CCSER1: variants seen among roughly 807,000 people sequenced by gnomAD.
CCSER1 encodes the protein serine-rich coiled-coil domain-containing protein 1.
Under a neutral mutation model 82.0 loss-of-function variants are expected in CCSER1, and 41 were observed. The observed-to-expected ratio is 0.50, with a 90% CI of 0.39 to 0.65. The LOEUF (loss-of-function observed/expected upper bound fraction) is 0.65. Among genes scored for constraint, CCSER1 ranks in the 30% least tolerant of loss-of-function variants. CCSER1 has a pLI of 0.00. For synonymous variants in CCSER1, 414 were observed against 383.9 expected (o/e 1.08, Z -0.92); for missense variants, 1,119 against 1,064.2 (o/e 1.05, Z -0.72).
At chr4:91,458,717 T>A (rs1756336211) in intron 10 of CCSER1, among the ~76,000 whole-genome samples, 1 of 152,216 alleles carries the variant, frequency 6.6e-6, no homozygotes, top group Non-Finnish European at 1.5e-5. Flanking sequence ...ATTGTATAGA[T>A]CTTGCACTTA....
chr4:90,528,753 T>C (rs1174610103), intron 5 of CCSER1, among the ~76,000 whole-genome samples: 1 of 152,210 alleles, frequency 6.6e-6, no homozygotes, highest in African/African-American at 2.4e-5. Flanking sequence ...ATCTAAATGT[T>C]GTTAAATGCA....
intron 3 of CCSER1, among the ~76,000 whole-genome samples, chr4:90,316,427 A>G (rs1736174822): frequency 6.6e-6 from 1 of 152,226 alleles, no homozygotes; most frequent in Non-Finnish European, 1.5e-5. Context: ...AGGCTGCAGC[A>G]TTCTGTAAGA....
intron 8 of CCSER1, among the ~76,000 whole-genome samples, chr4:90,889,131 A>G (rs528559856): frequency 1.3e-5 from 2 of 152,346 alleles, no homozygotes; most frequent in East Asian, 3.9e-4. Flanking sequence ...AACTGCGTGA[A>G]AGAATCAGTA....
intron 9 of CCSER1, among the ~76,000 whole-genome samples, chr4:90,999,496 CT>C (rs759345662): frequency 6.6e-6 from 1 of 152,046 alleles, no homozygotes; most frequent in African/African-American, 2.4e-5. Context: ...GATGAACATT[CT>C]TTTATACATT....
intron 3 of CCSER1, among the ~76,000 whole-genome samples, chr4:90,342,537 C>G (rs2153505312): frequency 6.6e-6 from 1 of 152,276 alleles, no homozygotes; most frequent in Non-Finnish European, 1.5e-5. Context: ...ATATACATTT[C>G]TATACTTTTG....
intron 3 of CCSER1, among the ~76,000 whole-genome samples, chr4:90,337,093 G>A (rs929089329): frequency 1.4e-4 from 21 of 152,338 alleles, no homozygotes; most frequent in African/African-American, 4.6e-4. Context: ...CTCTTCCCAT[G>A]TACCAGTTCT....
At chr4:90,982,719 A>G (rs1024244850) in intron 9 of CCSER1, among the ~76,000 whole-genome samples, 1 of 151,860 alleles carries the variant, frequency 6.6e-6, no homozygotes, top group Non-Finnish European at 1.5e-5. Flanking sequence ...CATGAAGGGA[A>G]GTAAAATTCA....
At chr4:91,498,064 C>CTTA (rs1759019874) in intron 10 of CCSER1, among the ~76,000 whole-genome samples, 2 of 151,946 alleles carry the variant, frequency 1.3e-5, no homozygotes, top group Non-Finnish European at 2.9e-5. Flanking sequence ...CGCTGTGCAT[C>CTTA]CGGCCCTTGA....
rs577341029 is a variant in CCSER1 at position 91,015,285 on chromosome 4, T to C, written c.2173-70665T>C. On this transcript the variant is annotated intron_variant, in intron 9 of 10. Transcript: ENST00000509176. ...AAGTAAGGTTATATCAAAAAAGTAA[T>C]ACATAATGAAAAATTTTAATTGGAT... The C allele has an allele frequency of 2.6e-5, 4 of 152,190 alleles. No homozygotes were observed. In the South Asian group the frequency reaches 8.3e-4, roughly 32 times the overall value. 9.4% of individuals were successfully genotyped at this position (152,190 alleles called of 1,614,324 possible). A position where few individuals can be genotyped will look rare whatever the true frequency, so the allele number is the denominator to read the frequency against.
At chr4:90,242,166 G>A (rs1363633684) in intron 1 of CCSER1, among the ~76,000 whole-genome samples, 1 of 152,208 alleles carries the variant, frequency 6.6e-6, no homozygotes, top group Non-Finnish European at 1.5e-5. Flanking sequence ...AATTAGCTGG[G>A]CATGGTGGTG....
intron 6 of CCSER1, among the ~76,000 whole-genome samples, chr4:90,716,428 A>G (rs1378970591): frequency 2.6e-5 from 4 of 152,120 alleles, no homozygotes; most frequent in African/African-American, 7.2e-5. Context: ...TTGCTATTAT[A>G]TAAATATTGT....
intron 1 of CCSER1, among the ~76,000 whole-genome samples, chr4:90,234,462 C>T (rs1239343768): frequency 1.3e-5 from 2 of 152,120 alleles, no homozygotes; most frequent in African/African-American, 2.4e-5. Context: ...GATGATCCGC[C>T]CGCCTTGGCC....
At chr4:91,461,355 G>A (rs67847255) in intron 10 of CCSER1, among the ~76,000 whole-genome samples, 17,681 of 152,074 alleles carry the variant, frequency 0.12, 1,109 homozygotes, top group African/African-American at 0.14. Flanking sequence ...CATTTTACAC[G>A]TGAGAAAATT....
chr4:90,158,358 G>A lies in CCSER1; in HGVS notation c.-42+30527G>A, dbSNP rs866659793. ...ACCCACTTGAGGAGGCCGTCTGCCC[G>A]TTCTCAGATCTCCAGCTGCGTGCTG... is the stretch of plus-strand genomic sequence containing the variant. On this transcript the variant is annotated intron_variant, in intron 1 of 10. Transcript: ENST00000509176. Among the ~76,000 whole-genome samples the A allele has an allele frequency of 1.5e-4, 23 of 152,294 alleles. 1 individual carries two copies. The Middle Eastern group carries it at 0.014, about 90-fold the overall frequency.
At chr4:91,510,906 C>G (rs1389418663) in intron 10 of CCSER1, among the ~76,000 whole-genome samples, 1 of 152,078 alleles carries the variant, frequency 6.6e-6, no homozygotes, top group African/African-American at 2.4e-5. Context: ...TTTTCCAAGG[C>G]CAATTTCCAG....
chr4:91,542,854 C>G (rs909094735), intron 10 of CCSER1, among the ~76,000 whole-genome samples: 3 of 152,064 alleles, frequency 2.0e-5, no homozygotes, highest in African/African-American at 4.8e-5. Context: ...TCCTGGATAT[C>G]CTTGTTACTT....
intron 9 of CCSER1, among the ~76,000 whole-genome samples, chr4:90,994,854 G>A (rs1189687842): frequency 6.6e-6 from 1 of 152,136 alleles, no homozygotes; most frequent in Non-Finnish European, 1.5e-5. Context: ...GTCAGATCAT[G>A]TAGCTCCACC....
intron 10 of CCSER1, among the ~76,000 whole-genome samples, chr4:91,095,036 T>TTA (rs1724362044): frequency 6.6e-6 from 1 of 152,132 alleles, no homozygotes; most frequent in Non-Finnish European, 1.5e-5. Flanking sequence ...GTTGCTCCAA[T>TTA]TATATCAATG....
intron 10 of CCSER1, among the ~76,000 whole-genome samples, chr4:91,142,863 G>A (rs1360149531): frequency 6.6e-6 from 1 of 152,042 alleles, no homozygotes; most frequent in Non-Finnish European, 1.5e-5. Flanking sequence ...CCAGCACCAT[G>A]CTATTTTGGT....
Sources: allele counts gnomAD v4.1 joint callset (sites outside exome capture counted in the v4.1 genomes callset), GRCh38; gene constraint gnomAD v4.1.1; transcripts MANE v1.5; gene names NCBI Gene and HGNC (gene_info 2026-07-23, HGNC 2026-07-21).